Variants in FRMPD4 observed in about 807,000 individuals in gnomAD.
The protein encoded by FRMPD4 is FERM and PDZ domain containing 4.
In FRMPD4, 22 loss-of-function variants were observed where a neutral mutation model predicts 94.1. The observed-to-expected ratio is 0.23, with a 90% CI of 0.17 to 0.33. The LOEUF (loss-of-function observed/expected upper bound fraction) is 0.33. FRMPD4 is among the 10% of genes least tolerant of loss of function. The probability of loss-of-function intolerance (pLI) is 1.00; values close to 1 mark genes in which losing one functional copy is unlikely to be tolerated. For synonymous variants in FRMPD4, 631 were observed against 548.6 expected, an observed-to-expected ratio of 1.15 and a Z score of -2.10; for missense variants, 1,111 against 1,339.9, an observed-to-expected ratio of 0.83 and a Z score of 2.67.
chrX:11,842,401 C>G (rs202115247), intron 1 of FRMPD4, among the ~76,000 whole-genome samples: 10 of 98,598 alleles, frequency 1.0e-4, no homozygotes, highest in Non-Finnish European at 1.2e-4. Flanking sequence ...TCTTCCATTT[C>G]TTTGTATCCT....
chrX:12,149,112 T>C (rs373848034), intron 1 of FRMPD4: 78 of 112,097 alleles, frequency 7.0e-4, no homozygotes, highest in African/African-American at 2.5e-3. Flanking sequence ...CAAGTCTCAT[T>C]ATTTAAGGAA....
At chrX:12,403,503 C>A (rs899453087) in intron 1 of FRMPD4, among the ~76,000 whole-genome samples, 1 of 110,628 alleles carries the variant, frequency 9.0e-6, no homozygotes, top group African/African-American at 3.3e-5. Context: ...TGGTTTTTAG[C>A]ACCATAGACA....
At chrX:12,118,940 T>C (rs953530941) in intron 3 of FRMPD4, among the ~76,000 whole-genome samples, 1 of 111,295 alleles carries the variant, frequency 9.0e-6, no homozygotes, top group African/African-American at 3.3e-5. Flanking sequence ...TTTGATCACT[T>C]GTAAAGGGAT....
chrX:12,135,960 C>G (rs769817484), upstream of FRMPD4, among the ~76,000 whole-genome samples: 1 of 111,198 alleles, frequency 9.0e-6, no homozygotes, highest in Non-Finnish European at 1.9e-5. Context: ...GGTGGCCACT[C>G]TTTTGGGGGA....
intron 1 of FRMPD4, among the ~76,000 whole-genome samples, chrX:12,389,405 G>A (rs2056445581): frequency 9.2e-6 from 1 of 108,591 alleles, no homozygotes; most frequent in African/African-American, 3.4e-5. Context: ...AACCTGGGAG[G>A]TGGAAATTGC....
At position 12,473,489 on chromosome X, in the gene FRMPD4, TA is replaced by T. The variant is rs1042244998; in HGVS notation, c.42-25188del. Among the ~76,000 whole-genome samples, 95 of 110,147 alleles carry T rather than the reference TA, an allele frequency of 8.6e-4. 5 individuals carry two copies. The highest frequency in any genetic ancestry group is 3.2e-3 in the African/African-American group (92 of 29,089). ...ATATTAACCTTAAATGTAAATGGGC[TA>T]AATGCTCCAATTAAAAGACACAGAC... On this transcript the variant is annotated intron_variant, in intron 1 of 16. Coordinates refer to ENST00000675598, the MANE Select transcript of FRMPD4 (RefSeq NM_001368397.1).
chrX:11,846,038 G>A (rs1471467358), intron 1 of FRMPD4, among the ~76,000 whole-genome samples: 1 of 103,442 alleles, frequency 9.7e-6, no homozygotes, highest in African/African-American at 3.5e-5. Flanking sequence ...AGGGCAATTA[G>A]GCAGGAGAAG....
intron 1 of FRMPD4, among the ~76,000 whole-genome samples, chrX:12,266,794 G>A (rs2054283608): frequency 8.9e-6 from 1 of 112,001 alleles, no homozygotes; most frequent in Non-Finnish European, 1.9e-5. Context: ...TACCTCCTAC[G>A]ATTGTATATT....
chrX:12,498,488 C>A, intron 1 of FRMPD4, 192 bp from the exon 2 acceptor site: 1 of 468,571 alleles, frequency 2.1e-6, no homozygotes, highest in South Asian at 2.9e-5. Context: ...CAGAACCTAC[C>A]CTTTCATTTT....
chrX:11,876,877 G>A (rs370976719), intron 2 of FRMPD4, among the ~76,000 whole-genome samples: 5 of 112,442 alleles, frequency 4.4e-5, no homozygotes, highest in African/African-American at 1.6e-4. Context: ...CTGCTTCCCA[G>A]GAATATTTGG....
chrX:12,470,116 A>G (rs574751713), intron 1 of FRMPD4, among the ~76,000 whole-genome samples: 1 of 112,259 alleles, frequency 8.9e-6, no homozygotes, highest in South Asian at 3.7e-4. Flanking sequence ...ACAAAATCCA[A>G]TAAGGAGCCA....
intron 3 of FRMPD4, among the ~76,000 whole-genome samples, chrX:12,101,676 T>G (rs2055257216): frequency 9.0e-6 from 1 of 111,428 alleles, no homozygotes; most frequent in Non-Finnish European, 1.9e-5. Flanking sequence ...TAATGAATGT[T>G]TATTACATAA....
intron 9 of FRMPD4, among the ~76,000 whole-genome samples, chrX:12,701,594 A>C (rs1417504751): frequency 8.9e-6 from 1 of 112,151 alleles, no homozygotes; most frequent in Non-Finnish European, 1.9e-5. Context: ...TGTGTTTGGA[A>C]ATTTCATACC....
chrX:12,163,265 T>C (rs767504452), intron 1 of FRMPD4, among the ~76,000 whole-genome samples: 3 of 110,952 alleles, frequency 2.7e-5, no homozygotes, highest in Admixed American at 9.6e-5. Context: ...TTGAGCAAGA[T>C]AAACTATTCC....
intron 4 of FRMPD4, among the ~76,000 whole-genome samples, chrX:12,633,899 T>G (rs1179054831): frequency 1.8e-5 from 2 of 112,641 alleles, no homozygotes; most frequent in Non-Finnish European, 3.7e-5. Flanking sequence ...AAAAAGCAGT[T>G]TAAAAACCAC....
chrX:12,268,089 C>T (rs2054301156), intron 1 of FRMPD4, among the ~76,000 whole-genome samples: 1 of 112,548 alleles, frequency 8.9e-6, no homozygotes, highest in Non-Finnish European at 1.9e-5. Flanking sequence ...GATAGATCCA[C>T]CCTCCTCTAC....
chrX:12,641,109 G>T (rs1421840566), intron 4 of FRMPD4, among the ~76,000 whole-genome samples: 1 of 111,232 alleles, frequency 9.0e-6, no homozygotes, highest in Non-Finnish European at 1.9e-5. Flanking sequence ...TCTTAGGTTG[G>T]ACTCCCAGAA....
chrX:12,159,118 A>G (rs999192102), intron 1 of FRMPD4, among the ~76,000 whole-genome samples: 6 of 112,498 alleles, frequency 5.3e-5, no homozygotes, highest in Non-Finnish European at 1.1e-4. Flanking sequence ...AAAATGTGTA[A>G]TGTCTGCAAT....
intron 1 of FRMPD4, among the ~76,000 whole-genome samples, chrX:12,479,435 C>CATATATACGTATATATATATAT (rs35102998): frequency 1.1e-5 from 1 of 90,443 alleles, no homozygotes; most frequent in Non-Finnish European, 2.1e-5. Context: ...TATATATATA[C>CATATATACGTATATATATATAT]ACACATATAT....
Sources: allele counts gnomAD v4.1 joint callset (sites outside exome capture counted in the v4.1 genomes callset), GRCh38; gene constraint gnomAD v4.1.1; transcripts MANE v1.5; gene names NCBI Gene and HGNC (gene_info 2026-07-23, HGNC 2026-07-21).